The following DIAPH2 variants were observed in gnomAD, a reference collection of about 807,000 sequenced individuals.
DIAPH2 encodes the protein diaphanous related formin 2, also known as protein diaphanous homolog 2.
In DIAPH2, 35 loss-of-function variants were observed where a neutral mutation model predicts 92.7. The ratio of observed to expected loss-of-function variants is 0.38; its 90% CI spans 0.29 to 0.50. The LOEUF (loss-of-function observed/expected upper bound fraction) is 0.50, where lower values mean the gene tolerates loss of function less well. Ranked by LOEUF, DIAPH2 falls within the 20% of genes least tolerant of loss-of-function variation. DIAPH2 has a pLI of 0.94. For synonymous variants in DIAPH2, 301 were observed against 280.4 expected (o/e 1.07, Z -0.73); for missense variants, 701 against 819.5 (o/e 0.86, Z 1.77).
chrX:97,008,257 G>A (rs2066198389), intron 17 of DIAPH2, among the ~76,000 whole-genome samples: 1 of 108,680 alleles, frequency 9.2e-6, no homozygotes, highest in African/African-American at 3.4e-5. Context: ...ATTTCTGCTC[G>A]ATTATTTGTA....
chrX:97,069,287 TCTC>T (rs2066653864), intron 17 of DIAPH2, among the ~76,000 whole-genome samples: 2 of 111,230 alleles, frequency 1.8e-5, no homozygotes, highest in African/African-American at 6.5e-5. Context: ...TCCTTTTAAT[TCTC>T]CTCATATTTC....
chrX:97,101,454 G>A (rs1402627140), intron 20 of DIAPH2, among the ~76,000 whole-genome samples: 1 of 110,816 alleles, frequency 9.0e-6, no homozygotes, highest in African/African-American at 3.3e-5. Flanking sequence ...TTCTGAGGCT[G>A]TGCATACATG....
chrX:96,973,530 A>G (rs2065940476), intron 17 of DIAPH2, among the ~76,000 whole-genome samples: 1 of 111,544 alleles, frequency 9.0e-6, no homozygotes, highest in Admixed American at 9.5e-5. Context: ...AACTATTTAC[A>G]TAGTATTTAC....
chrX:97,171,673 G>T (rs1201448759), intron 22 of DIAPH2, among the ~76,000 whole-genome samples: 1 of 112,129 alleles, frequency 8.9e-6, no homozygotes, highest in Non-Finnish European at 1.9e-5. Context: ...GGGCGCGGTG[G>T]CTCACACCTG....
chrX:97,014,903 C>T (rs1192947075), intron 17 of DIAPH2, among the ~76,000 whole-genome samples: 3 of 111,337 alleles, frequency 2.7e-5, no homozygotes, highest in African/African-American at 9.8e-5. Flanking sequence ...TGTTTGGTGC[C>T]ATTATTATTG....
intron 22 of DIAPH2, among the ~76,000 whole-genome samples, chrX:97,144,148 G>A (rs1017919163): frequency 9.0e-6 from 1 of 111,158 alleles, no homozygotes; most frequent in Admixed American, 9.6e-5. Context: ...CCAGGAGTTT[G>A]AGACCAGCCT....
At chrX:97,498,837 TGTG>T (rs1049364082) in intron 26 of DIAPH2, among the ~76,000 whole-genome samples, 1 of 111,836 alleles carries the variant, frequency 8.9e-6, no homozygotes, top group Non-Finnish European at 1.9e-5. Flanking sequence ...AAAGATGTAA[TGTG>T]GTGTCAGTAG....
chrX:97,011,640 C>T (rs1023613586), intron 17 of DIAPH2, among the ~76,000 whole-genome samples: 18 of 110,706 alleles, frequency 1.6e-4, no homozygotes, highest in African/African-American at 5.9e-4. Flanking sequence ...GTAATCCCAA[C>T]ACTTTGAGAT....
intron 17 of DIAPH2, among the ~76,000 whole-genome samples, chrX:97,013,855 G>A (rs1287728134): frequency 8.9e-6 from 1 of 111,813 alleles, no homozygotes; most frequent in Non-Finnish European, 1.9e-5. Flanking sequence ...CAACCAAGAA[G>A]TAAGATAACT....
Position 97,519,342 on chromosome X carries a change from C to G in DIAPH2, c.3242-79911C>G, listed in dbSNP as rs1209509827. On this transcript the variant is annotated intron_variant, in intron 26 of 26. Transcript: ENST00000324765. ...ATGTCCTCCGTTGCATTGAAAACATCTGTTTCAAAAAAAATTCACATTTAT... is the reference window on the plus strand; with the variant it reads ...ATGTCCTCCGTTGCATTGAAAACATGTGTTTCAAAAAAAATTCACATTTAT... Among the ~76,000 whole-genome samples, 59 of 111,035 alleles carry G rather than the reference C, an allele frequency of 5.3e-4. 4 individuals are homozygous for G. The highest frequency in any genetic ancestry group is 1.9e-5 in the Non-Finnish European group (1 of 52,629).
At chrX:97,115,957 G>A (rs1441750961) in intron 21 of DIAPH2, among the ~76,000 whole-genome samples, 1 of 111,738 alleles carries the variant, frequency 8.9e-6, no homozygotes, top group Non-Finnish European at 1.9e-5. Context: ...AGGCCTGTAA[G>A]AAAGCTAGAG....
chrX:96,865,702 G>A (rs913403289), intron 4 of DIAPH2, among the ~76,000 whole-genome samples: 4 of 112,095 alleles, frequency 3.6e-5, no homozygotes, highest in Non-Finnish European at 5.6e-5. Context: ...TTTAACTTGT[G>A]TGAATTTTTG....
chrX:96,957,759 G>GAT, intron 15 of DIAPH2, 69 bp from the exon 16 acceptor site: 2 of 737,626 alleles, frequency 2.7e-6, no homozygotes, highest in Non-Finnish European at 4.0e-6. Context: ...AATATCTATT[G>GAT]ATATATATTT....
At chrX:97,532,268 A>G (rs992868064) in intron 26 of DIAPH2, among the ~76,000 whole-genome samples, 1 of 113,261 alleles carries the variant, frequency 8.8e-6, no homozygotes, top group African/African-American at 3.2e-5. Context: ...CGTGCTTGGC[A>G]CAACTATTAC....
intron 4 of DIAPH2, among the ~76,000 whole-genome samples, chrX:96,786,899 T>A (rs2064460252): frequency 8.9e-6 from 1 of 112,299 alleles, no homozygotes; most frequent in Admixed American, 9.4e-5. Context: ...ATGCAAGCAG[T>A]AGCTTCTGTA....
chrX:97,153,832 AT>A (rs1321544185), intron 22 of DIAPH2, among the ~76,000 whole-genome samples: 2 of 111,268 alleles, frequency 1.8e-5, no homozygotes, highest in Non-Finnish European at 3.8e-5. Context: ...TGATCATAAA[AT>A]TTCCAATATC....
intron 26 of DIAPH2, among the ~76,000 whole-genome samples, chrX:97,540,211 A>G (rs190336095): frequency 1.3e-3 from 150 of 112,302 alleles, no homozygotes; most frequent in African/African-American, 4.5e-3. Flanking sequence ...TATGTACAGT[A>G]GTGAGTCACT....
At chrX:96,830,951 A>G (rs2064850765) in intron 4 of DIAPH2, among the ~76,000 whole-genome samples, 1 of 111,428 alleles carries the variant, frequency 9.0e-6, no homozygotes, top group African/African-American at 3.3e-5. Flanking sequence ...GTAATCCTAT[A>G]CAAATATGTG....
chrX:96,737,581 C>T (rs1448696969), intron 2 of DIAPH2, among the ~76,000 whole-genome samples: 1 of 111,610 alleles, frequency 9.0e-6, no homozygotes, highest in Non-Finnish European at 1.9e-5. Flanking sequence ...CAGTTTTATG[C>T]ACATTACTAA....
Sources: gnomAD v4.1 joint callset for allele counts (sites outside exome capture counted in the v4.1 genomes callset) on GRCh38, gnomAD v4.1.1 for gene constraint, MANE v1.5 for transcripts, NCBI Gene and HGNC (gene_info 2026-07-23, HGNC 2026-07-21) for gene names.